ABCD4: variants seen among roughly 807,000 people sequenced by gnomAD.
ABCD4 encodes the protein ATP binding cassette subfamily D member 4.
ABCD4 carries 53 observed loss-of-function variants against 86.3 expected under a neutral mutation model. The ratio of observed to expected loss-of-function variants is 0.61; its 90% CI spans 0.49 to 0.77. ABCD4 has a LOEUF of 0.77. Among genes scored for constraint, ABCD4 ranks in the 30% least tolerant of loss-of-function variants. The pLI is 0.00. For synonymous variants in ABCD4, 328 were observed against 313.6 expected (o/e 1.05, Z -0.49); for missense variants, 757 against 764.5 (o/e 0.99, Z 0.12).
rs1230890093 is a variant in ABCD4 at position 74,296,406 on chromosome 14, G to C, written c.469C>G (p.Leu157Val). The change falls in exon 5 of 19, where the codon CTC becomes GTC. Residue 157 changes from leucine to valine, a missense_variant. Transcript: ENST00000356924. The part of the protein sequence containing the change: ...SQDVERFCRQ[L>V]SSMASKLIIS... ...ATGAGCTTGCTGGCCATGCTGCTGAGCTGCCGGCAGAATCGCTCCACGTCC... is the reference window on the plus strand; with the variant it reads ...ATGAGCTTGCTGGCCATGCTGCTGACCTGCCGGCAGAATCGCTCCACGTCC... The C allele has an allele frequency of 3.1e-6, 5 of 1,614,032 alleles. No individual in the cohort carries two copies. In the African/African-American group the frequency reaches 5.3e-5, roughly 17 times the overall value.
At chr14:74,294,411 C>G (rs1013303195) in intron 7 of ABCD4, 1 of 152,422 alleles carries the variant, frequency 6.6e-6, no homozygotes, top group South Asian at 2.1e-4. Context: ...CCCACCCCAG[C>G]GCAGATTCCC....
At chr14:74,301,857 C>T (rs973080839) in intron 1 of ABCD4, among the ~76,000 whole-genome samples, 7 of 152,112 alleles carry the variant, frequency 4.6e-5, no homozygotes, top group South Asian at 2.1e-4. Context: ...CGAGATCATG[C>T]CACTGCATTC....
In ABCD4 at chr14:74,286,824, G is replaced by C; in HGVS notation, c.1637-8C>G. On this transcript the variant is annotated splice_polypyrimidine_tract_variant and splice_region_variant and intron_variant, in intron 17 of 18. Transcript: ENST00000356924. Reference sequence around the variant, plus strand: ...TGGTGGCTTCATCAAGCACTGAGGGGGCAGAGCACAGAGGAAGAGATCAAA... The same window carrying C: ...TGGTGGCTTCATCAAGCACTGAGGGCGCAGAGCACAGAGGAAGAGATCAAA... The C allele has an allele frequency of 6.2e-7, 1 of 1,612,982 alleles. No homozygotes were observed. Among genetic ancestry groups the C allele is most frequent in the Non-Finnish European group, 8.5e-7 (1 of 1,179,354 alleles).
At chr14:74,289,323 G>A (rs1447194500) in intron 14 of ABCD4, 160 bp downstream of exon 14, 9 of 1,433,042 alleles carry the variant, frequency 6.3e-6, no homozygotes, top group Non-Finnish European at 8.2e-6. Flanking sequence ...TCTGGGTACA[G>A]ACCCCAAAAC....
intron 3 of ABCD4, chr14:74,299,081 G>GT (rs1395734273): frequency 6.4e-6 from 1 of 156,930 alleles, no homozygotes; most frequent in Admixed American, 6.2e-5. Flanking sequence ...ATGACGAAGA[G>GT]TGAGCAGGTG....
intron 7 of ABCD4, chr14:74,293,708 T>C (rs1295643908): frequency 1.3e-5 from 2 of 152,868 alleles, no homozygotes. Flanking sequence ...TTGCACTAGT[T>C]AGCTAGTGCA....
intron 2 of ABCD4, chr14:74,299,880 G>T (rs1028954696): frequency 8.5e-6 from 5 of 584,796 alleles, no homozygotes; most frequent in Non-Finnish European, 1.5e-5. Flanking sequence ...TGGCCAAGAT[G>T]GTGAAACCCT....
rs376322555 is a variant in ABCD4, at chr14:74,286,694, C to T, written c.1752+7G>A. On this transcript the variant is annotated splice_region_variant and intron_variant, in intron 18 of 18. Transcript: ENST00000356924. The stretch of plus-strand genomic sequence containing the variant: ...CCTCCTCAGGCCATCCTTGTGAGCA[C>T]GGGTACCTTCTCAAGGCTCTGCCGA... 137 of 1,614,036 alleles carry T rather than the reference C, an allele frequency of 8.5e-5. No homozygotes were observed. Among genetic ancestry groups the T allele is most frequent in the African/African-American group, 1.2e-4 (9 of 75,066 alleles).
intron 1 of ABCD4, 69 bp from the exon 2 acceptor site, chr14:74,300,337 G>T: frequency 9.9e-7 from 1 of 1,011,810 alleles, no homozygotes; most frequent in Non-Finnish European, 1.6e-6. Context: ...TAGTTATTAA[G>T]CTCATCCACA....
chr14:74,295,283 C>T, intron 6 of ABCD4, 85 bp from the exon 7 acceptor site: 2 of 1,516,132 alleles, frequency 1.3e-6, no homozygotes, highest in South Asian at 2.3e-5. Flanking sequence ...AAAGACCGCC[C>T]AAGCGGAGCC....
rs1567001990 is a variant in ABCD4 at position 74,299,636 on chromosome 14, T to C, written c.197A>G (p.Gln66Arg). Residue 66 changes from glutamine to arginine, a missense_variant, in exon 3 of 19, where the codon CAG becomes CGG. Coordinates refer to ENST00000356924, the MANE Select transcript of ABCD4 (RefSeq NM_005050.4). ...TTTGTTTCCCAGGACCCCATAGTAC[T>C]GACTGGGGATCAAGCCAACCTGGTA... ...VIYQVGLIPSQYYGVLGNKDL... is the reference protein window; with the variant it reads ...VIYQVGLIPSRYYGVLGNKDL... The C allele has an allele frequency of 1.2e-6, 2 of 1,613,742 alleles. No homozygotes were observed. The highest frequency in any genetic ancestry group is 1.7e-6 in the Non-Finnish European group (2 of 1,179,742).
chr14:74,286,637 C>T (rs1238370570), intron 18 of ABCD4, 64 bp downstream of exon 18: 1 of 1,612,796 alleles, frequency 6.2e-7, no homozygotes, highest in Non-Finnish European at 8.5e-7. Flanking sequence ...GGGCCTCTGG[C>T]CCTGGCCAGG....
chr14:74,297,726 GCTT>G (rs1340183458), intron 4 of ABCD4: 23 of 1,298,228 alleles, frequency 1.8e-5, no homozygotes, highest in Non-Finnish European at 2.1e-5. Context: ...CACCTGGCAG[GCTT>G]CTTCTTTTTA....
chr14:74,295,712 G>T, intron 6 of ABCD4, 142 bp downstream of exon 6: 2 of 1,075,602 alleles, frequency 1.9e-6, no homozygotes, highest in Non-Finnish European at 2.7e-6. Flanking sequence ...GAACATTGAA[G>T]CTTGGAGAGG....
intron 5 of ABCD4, 51 bp downstream of exon 5, chr14:74,296,282 G>T: frequency 6.4e-7 from 1 of 1,557,912 alleles, no homozygotes; most frequent in South Asian, 1.1e-5. Context: ...TGGGAGAGCT[G>T]ACTGAGGGCC....
intron 11 of ABCD4, 74 bp from the exon 12 acceptor site, chr14:74,290,573 G>A (rs867863027): frequency 1.4e-5 from 16 of 1,153,006 alleles, no homozygotes; most frequent in Middle Eastern, 2.2e-4. Context: ...CACTGCTCCC[G>A]GGAGCCACCA....
Position 74,295,128 on chromosome 14 carries a change from A to T in ABCD4, c.719+20T>A, listed in dbSNP as rs1263148671. On this transcript the variant is annotated intron_variant, in intron 7 of 18. Transcript: ENST00000356924. ...CTCAGCTCTGGCAAGGCAGAAGGGG[A>T]ACCATCTCTCCAGACTCACCTGTAG... The T allele has an allele frequency of 6.2e-7, 1 of 1,613,808 alleles. No homozygotes were observed. The highest frequency in any genetic ancestry group is 1.3e-5 in the African/African-American group (1 of 74,898).
chr14:74,296,071 AG>A, intron 5 of ABCD4, 92 bp from the exon 6 acceptor site: 13 of 1,496,234 alleles, frequency 8.7e-6, no homozygotes, highest in Non-Finnish European at 1.2e-5. Flanking sequence ...CCTCTCAGGT[AG>A]CCCCTGTCCA....
chr14:74,292,146 A>T (rs998923269), intron 11 of ABCD4, 141 bp downstream of exon 11: 40 of 771,300 alleles, frequency 5.2e-5, no homozygotes, highest in Non-Finnish European at 7.9e-5. Flanking sequence ...CTGTGAACTT[A>T]CATGTGCCTG....
Sources: allele counts gnomAD v4.1 joint callset (sites outside exome capture counted in the v4.1 genomes callset), GRCh38; gene constraint gnomAD v4.1.1; transcripts MANE v1.5; gene names NCBI Gene and HGNC (gene_info 2026-07-23, HGNC 2026-07-21).